The following GPR107 variants were observed in gnomAD, a reference collection of about 807,000 sequenced individuals.
The protein encoded by GPR107 is protein GPR107.
GPR107 carries 31 observed loss-of-function variants against 75.5 expected under a neutral mutation model. The observed-to-expected ratio is 0.41, with a 90% CI of 0.31 to 0.55. The LOEUF (loss-of-function observed/expected upper bound fraction) is 0.55, where lower values mean the gene tolerates loss of function less well. Ranked by LOEUF, GPR107 falls within the 20% of genes least tolerant of loss-of-function variation. GPR107 has a pLI of 0.26. For missense variants in GPR107, 572 were observed against 665.7 expected (o/e 0.86, Z 1.55); for synonymous variants, 267 against 251.3 (o/e 1.06, Z -0.59).
Position 130,123,580 on chromosome 9 carries a change from G to A in GPR107, c.1307-1335G>A, listed in dbSNP as rs1487759726. On this transcript the variant is annotated intron_variant, in intron 14 of 17. Coordinates refer to ENST00000347136, the MANE Select transcript of GPR107 (RefSeq NM_020960.5). ...AACGGGGTTCTACTGTGTTGCCCAGGTTGGTCTCAAACTCCTGGACTCAAG... is the reference window on the plus strand; with the variant it reads ...AACGGGGTTCTACTGTGTTGCCCAGATTGGTCTCAAACTCCTGGACTCAAG... Among the ~76,000 whole-genome samples the A allele has an allele frequency of 6.3e-5, 9 of 143,310 alleles. No homozygotes were observed. In the East Asian group the frequency reaches 1.8e-3, roughly 29 times the overall value. 94.0% of individuals were successfully genotyped at this position (143,310 alleles called of 152,430 possible). A position where few individuals can be genotyped will look rare whatever the true frequency, so the allele number is the denominator to read the frequency against.
chr9:130,084,021 G>A (rs920445773), intron 6 of GPR107, among the ~76,000 whole-genome samples: 2 of 139,538 alleles, frequency 1.4e-5, no homozygotes, highest in Non-Finnish European at 3.1e-5. Flanking sequence ...ATCTGCAGAT[G>A]TGGAACCTGC....
intron 7 of GPR107, among the ~76,000 whole-genome samples, chr9:130,086,963 C>A (rs669390): frequency 1.2e-4 from 19 of 152,126 alleles, no homozygotes; most frequent in African/African-American, 4.6e-4. Flanking sequence ...TAATAGCATA[C>A]GTATGGGAAC....
At chr9:130,098,295 G>T (rs1267736911) in intron 9 of GPR107, among the ~76,000 whole-genome samples, 3 of 152,154 alleles carry the variant, frequency 2.0e-5, no homozygotes, top group African/African-American at 7.2e-5. Flanking sequence ...GATGGGGTGG[G>T]CATGGGAATG....
chr9:130,077,457 G>A, intron 4 of GPR107, 79 bp downstream of exon 4: 1 of 793,792 alleles, frequency 1.3e-6, no homozygotes, highest in Non-Finnish European at 2.3e-6. Context: ...ACATTCCTTG[G>A]GTGTCTGCCA....
At chr9:130,121,447 G>C (rs1831544635) in intron 14 of GPR107, among the ~76,000 whole-genome samples, 1 of 152,226 alleles carries the variant, frequency 6.6e-6, no homozygotes, top group South Asian at 2.1e-4. Flanking sequence ...GCTTGCTTTA[G>C]AGGTTCCCTG....
chr9:130,100,611 G>A lies in GPR107; in HGVS notation c.940-18G>A, dbSNP rs1171468307. ...TGTAGATAATGAGTGATTCTGAAAT[G>A]CAGTTGTTTGATTTCAGATTGACTA... is the stretch of plus-strand genomic sequence containing the variant. On this transcript the variant is annotated intron_variant, in intron 10 of 17. Transcript: ENST00000347136. The A allele has an allele frequency of 6.4e-7, 1 of 1,565,214 alleles. No homozygotes were observed. Among genetic ancestry groups the A allele is most frequent in the Non-Finnish European group, 8.8e-7 (1 of 1,135,450 alleles).
intron 12 of GPR107, among the ~76,000 whole-genome samples, chr9:130,101,956 T>G (rs1420161715): frequency 1.3e-5 from 2 of 152,190 alleles, no homozygotes; most frequent in Admixed American, 1.3e-4. Context: ...CCGTCCCAAC[T>G]CTGGCAGAGT....
At chr9:130,055,489 C>G (rs1351816056) in intron 1 of GPR107, among the ~76,000 whole-genome samples, 2 of 141,092 alleles carry the variant, frequency 1.4e-5, no homozygotes, top group African/African-American at 5.4e-5. Flanking sequence ...GATCCCGCCA[C>G]TGCACTCCAG....
chr9:130,087,106 C>T (rs544391780), intron 7 of GPR107, among the ~76,000 whole-genome samples: 4 of 151,530 alleles, frequency 2.6e-5, no homozygotes, highest in Admixed American at 6.6e-5. Flanking sequence ...GGTATAATCA[C>T]GGCTCACTGC....
chr9:130,064,102 T>G (rs962248936), intron 1 of GPR107, among the ~76,000 whole-genome samples: 7 of 149,870 alleles, frequency 4.7e-5, no homozygotes, highest in Non-Finnish European at 8.9e-5. Context: ...TGTGAGCCAC[T>G]GCGCCCAGCC....
chr9:130,085,901 C>T (rs1230252823), intron 6 of GPR107, among the ~76,000 whole-genome samples: 1 of 151,848 alleles, frequency 6.6e-6, no homozygotes, highest in Non-Finnish European at 1.5e-5. Flanking sequence ...TAGACACGCA[C>T]CACCACGCCT....
At chr9:130,123,678 CAG>C (rs1589529179) in intron 14 of GPR107, among the ~76,000 whole-genome samples, 1 of 150,726 alleles carries the variant, frequency 6.6e-6, no homozygotes, top group East Asian at 2.0e-4. Flanking sequence ...TTTTAAGAGA[CAG>C]GGAGGGGTTT....
chr9:130,123,511 T>C (rs1251485989), intron 14 of GPR107, among the ~76,000 whole-genome samples: 1 of 125,366 alleles, frequency 8.0e-6, no homozygotes, highest in Non-Finnish European at 1.6e-5. Context: ...CTATTTCTTT[T>C]TTTTCTTTCT....
At chr9:130,096,609 A>G (rs1331767317) in intron 9 of GPR107, among the ~76,000 whole-genome samples, 2 of 151,804 alleles carry the variant, frequency 1.3e-5, no homozygotes, top group Non-Finnish European at 2.9e-5. Flanking sequence ...CTGGGACTAC[A>G]GGCGCCTGCC....
Position 130,137,588 on chromosome 9 carries a change from TG to T in GPR107, c.*2469del, listed in dbSNP as rs782102047. On this transcript the variant is annotated 3_prime_UTR_variant, in exon 18 of 18. Transcript: ENST00000347136. ...AGCCCAAGATTGGGAAAGCAGGTGGTGGTTCCAAGCTTTTAAAAAATTATTG... is the reference window on the plus strand; with the variant it reads ...AGCCCAAGATTGGGAAAGCAGGTGGTGTTCCAAGCTTTTAAAAAATTATTG... 1 of 152,258 alleles carries T rather than the reference TG, an allele frequency of 6.6e-6. No homozygotes were observed. Among genetic ancestry groups the T allele is most frequent in the Non-Finnish European group, 1.5e-5 (1 of 68,048 alleles). 9.4% of individuals were successfully genotyped at this position (152,258 alleles called of 1,614,324 possible). A position where few individuals can be genotyped will look rare whatever the true frequency, so the allele number is the denominator to read the frequency against.
intron 1 of GPR107, among the ~76,000 whole-genome samples, chr9:130,057,892 G>A (rs534291098): frequency 3.3e-5 from 5 of 150,828 alleles, no homozygotes; most frequent in South Asian, 2.1e-4. Context: ...AAGCAATGGC[G>A]CGATCTCAGC....
intron 7 of GPR107, 132 bp from the exon 8 acceptor site, chr9:130,090,744 C>A: frequency 3.6e-5 from 16 of 440,906 alleles, no homozygotes; most frequent in Non-Finnish European, 4.8e-5. Flanking sequence ...TAACTTATTT[C>A]TAAGGTTTAG....
At chr9:130,081,032 G>A (rs1309113105) in intron 5 of GPR107, among the ~76,000 whole-genome samples, 1 of 150,846 alleles carries the variant, frequency 6.6e-6, no homozygotes, top group African/African-American at 2.4e-5. Flanking sequence ...AACATAGCGA[G>A]GCCCTGTCTC....
intron 1 of GPR107, among the ~76,000 whole-genome samples, chr9:130,063,883 C>T (rs1292456449): frequency 6.6e-6 from 1 of 150,876 alleles, no homozygotes; most frequent in Non-Finnish European, 1.5e-5. Flanking sequence ...CGGCTCACTG[C>T]AGCCTCTATC....
Sources: allele counts gnomAD v4.1 joint callset (sites outside exome capture counted in the v4.1 genomes callset), GRCh38; gene constraint gnomAD v4.1.1; transcripts MANE v1.5; gene names NCBI Gene and HGNC (gene_info 2026-07-23, HGNC 2026-07-21).